Variants in C1orf202 observed in about 807,000 individuals in gnomAD.
C1orf202 encodes uncharacterized protein C1orf202.
chr1:244,730,283 C>T, the C1orf202 span: 1 of 228,590 alleles, frequency 4.4e-6, no homozygotes, highest in South Asian at 1.8e-4. Context: ...TCGTTTAGCT[C>T]GCTGCGAACC....
the C1orf202 span, chr1:244,730,993 T>G: frequency 2.9e-6 from 1 of 348,862 alleles, no homozygotes; most frequent in East Asian, 4.2e-5. Flanking sequence ...ACAACAACGC[T>G]GCCGCCTCCA....
the C1orf202 span, chr1:244,730,149 T>G: frequency 5.3e-6 from 1 of 189,218 alleles, no homozygotes. Flanking sequence ...CCGCCCCCGA[T>G]TCAGCGCTTC....
At chr1:244,730,399 A>G in the C1orf202 span, 5 of 356,890 alleles carry the variant, frequency 1.4e-5, no homozygotes, top group African/African-American at 8.5e-5. Flanking sequence ...GACCAAAAAG[A>G]AAAAAACAAT....
the C1orf202 span, chr1:244,729,824 AC>A: frequency 6.1e-5 from 8 of 130,548 alleles, no homozygotes; most frequent in Admixed American, 2.5e-4. Context: ...CCCCTGTCCC[AC>A]CCCCACCCCA....
chr1:244,730,844 C>A, the C1orf202 span: 1 of 380,606 alleles, frequency 2.6e-6, no homozygotes, highest in South Asian at 1.3e-4. Flanking sequence ...AGGGGGGCCC[C>A]GCTCCAGGCG....
the C1orf202 span, chr1:244,730,472 T>A: frequency 8.8e-6 from 3 of 342,840 alleles, no homozygotes; most frequent in Admixed American, 4.8e-5. Context: ...GCGGCGGGGC[T>A]GGCGCGCGGG....
At chr1:244,730,699 T>TGC in the C1orf202 span, 2 of 383,950 alleles carry the variant, frequency 5.2e-6, no homozygotes, top group Non-Finnish European at 9.2e-6. Context: ...CCTCCTTGCC[T>TGC]GCGCGCGCGT....
At chr1:244,730,929 G>T in the C1orf202 span, 1 of 383,982 alleles carries the variant, frequency 2.6e-6, no homozygotes, top group South Asian at 1.3e-4. Flanking sequence ...GCCATGGCCC[G>T]CGCAGGCCTC....
At chr1:244,730,236 C>A in the C1orf202 span, 5 of 225,714 alleles carry the variant, frequency 2.2e-5, no homozygotes, top group Non-Finnish European at 4.3e-5. Flanking sequence ...TGCTCCGAGG[C>A]CCTCGGACCA....
chr1:244,730,381 CT>C, the C1orf202 span: 1 of 343,320 alleles, frequency 2.9e-6, no homozygotes, highest in East Asian at 4.4e-5. Context: ...TCATTTATTG[CT>C]TTTGTTGACC....
At chr1:244,730,693 C>T in the C1orf202 span, 2 of 384,076 alleles carry the variant, frequency 5.2e-6, no homozygotes, top group Non-Finnish European at 4.6e-6. Flanking sequence ...CCGGGGCCTC[C>T]TTGCCTGCGC....
At chr1:244,730,682 T>A in the C1orf202 span, 1 of 383,534 alleles carries the variant, frequency 2.6e-6, no homozygotes, top group South Asian at 1.3e-4. Flanking sequence ...CAGGCCGCGC[T>A]CCGGGGCCTC....
At chr1:244,730,504 G>A in the C1orf202 span, 3 of 356,094 alleles carry the variant, frequency 8.4e-6, no homozygotes, top group Non-Finnish European at 1.5e-5. Flanking sequence ...CGGGCCGCCC[G>A]GGGACGCTGC....
chr1:244,730,558 C>T, the C1orf202 span: 1 of 373,588 alleles, frequency 2.7e-6, no homozygotes, highest in Non-Finnish European at 4.8e-6. Flanking sequence ...GCGCGCGGTC[C>T]AGCACCAGCA....
the C1orf202 span, chr1:244,730,924 G>A: frequency 5.2e-6 from 2 of 384,142 alleles, no homozygotes; most frequent in Non-Finnish European, 9.2e-6. Flanking sequence ...GGGCCGCCAT[G>A]GCCCGCGCAG....
the C1orf202 span, chr1:244,730,851 GGCGCGCCGCCTTCTCCAGCAGCTCGTGCT>G: frequency 2.6e-6 from 1 of 381,814 alleles, no homozygotes; most frequent in African/African-American, 2.1e-5. Context: ...CCCCGCTCCA[GGCGCGCCGCCTTCTCCAGCAGCTCGTGCT>G]GCGCGCCGCC....
the C1orf202 span, chr1:244,730,406 C>A: frequency 1.4e-5 from 5 of 358,442 alleles, no homozygotes; most frequent in East Asian, 8.3e-5. Context: ...AAGAAAAAAA[C>A]AATCCTGAGC....
chr1:244,730,957 C>A, the C1orf202 span: 1 of 379,158 alleles, frequency 2.6e-6, no homozygotes, highest in South Asian at 1.3e-4. Context: ...AGCGCGGGGC[C>A]CACATCTCGG....
At chr1:244,730,736 G>C in the C1orf202 span, 1 of 383,568 alleles carries the variant, frequency 2.6e-6, no homozygotes, top group South Asian at 1.3e-4. Flanking sequence ...CTTCCTGCGC[G>C]GGCCGCGGAA....
Sources: gnomAD v4.1 joint callset for allele counts on GRCh38, gnomAD v4.1.1 for gene constraint, MANE v1.5 for transcripts, NCBI Gene and HGNC (gene_info 2026-07-23, HGNC 2026-07-21) for gene names.